The following ATR variants were observed in gnomAD, a reference collection of about 807,000 sequenced individuals.
ATR encodes the protein ATR checkpoint kinase.
A neutral mutation model predicts 305.3 loss-of-function variants in ATR; 142 were observed. That is an observed-to-expected ratio of 0.47 (90% CI 0.41 to 0.53). ATR has a LOEUF of 0.53. Ranked by LOEUF, ATR falls within the 20% of genes least tolerant of loss-of-function variation. The pLI, the probability that ATR is intolerant of heterozygous loss-of-function variation, is 0.00. For synonymous variants in ATR, 1,050 were observed against 1,068.1 expected (o/e 0.98, Z 0.33); for missense variants, 2,135 against 3,133.1 (o/e 0.68, Z 7.60).
At chr3:142,564,141 C>T (rs980617927) in intron 3 of ATR, among the ~76,000 whole-genome samples, 12 of 152,284 alleles carry the variant, frequency 7.9e-5, no homozygotes, top group African/African-American at 1.2e-4. Flanking sequence ...AGGGTACATA[C>T]ATTGTTTTTT....
chr3:142,520,283 G>A (rs1042796569), intron 23 of ATR, among the ~76,000 whole-genome samples: 4 of 151,904 alleles, frequency 2.6e-5, no homozygotes, highest in African/African-American at 7.3e-5. Context: ...ATTGAAATTA[G>A]GCCAATTAAT....
At chr3:142,558,282 G>C (rs1364806458) in intron 8 of ATR, among the ~76,000 whole-genome samples, 1 of 151,966 alleles carries the variant, frequency 6.6e-6, no homozygotes, top group Admixed American at 6.6e-5. Context: ...TAGCACTTTA[G>C]AAGGCTGGGG....
At chr3:142,506,952 C>T (rs2032278305) in intron 28 of ATR, among the ~76,000 whole-genome samples, 4 of 152,246 alleles carry the variant, frequency 2.6e-5, no homozygotes, top group Non-Finnish European at 5.9e-5. Context: ...AGTTATAACA[C>T]CCACTGTGTA....
chr3:142,519,543 G>A (rs1008270243), intron 24 of ATR, 126 bp downstream of exon 24: 41 of 694,224 alleles, frequency 5.9e-5, no homozygotes, highest in Middle Eastern at 4.1e-4. Context: ...CTCGTGATCC[G>A]CCCGCCTCAG....
At chr3:142,571,997 C>T (rs981869309) in intron 1 of ATR, among the ~76,000 whole-genome samples, 70 of 151,944 alleles carry the variant, frequency 4.6e-4, no homozygotes, top group Non-Finnish European at 9.0e-4. Flanking sequence ...AACTCCTGAC[C>T]TCAGGTAATC....
intron 28 of ATR, 44 bp downstream of exon 28, chr3:142,507,887 C>T: frequency 2.7e-6 from 4 of 1,502,262 alleles, no homozygotes; most frequent in Non-Finnish European, 3.7e-6. Flanking sequence ...AAAAGACTGG[C>T]CACATTAATT....
At chr3:142,450,181 T>G (rs2070758154) in intron 46 of ATR, 1 of 434,998 alleles carries the variant, frequency 2.3e-6, no homozygotes, top group Non-Finnish European at 4.4e-6. Flanking sequence ...TGCCATCGAC[T>G]TTTCCGCCAA....
intron 17 of ATR, 110 bp from the exon 18 acceptor site, chr3:142,541,144 C>A: frequency 7.5e-7 from 1 of 1,336,392 alleles, no homozygotes; most frequent in Non-Finnish European, 1.1e-6. Context: ...CATCTATTCT[C>A]AGATAATACA....
intron 29 of ATR, among the ~76,000 whole-genome samples, chr3:142,504,607 C>G (rs982481369): frequency 6.6e-6 from 1 of 151,502 alleles, no homozygotes; most frequent in African/African-American, 2.4e-5. Flanking sequence ...GGATTACAGG[C>G]GCTCGCCACC....
chr3:142,520,694 C>T (rs1477213210), intron 23 of ATR, among the ~76,000 whole-genome samples: 2 of 151,762 alleles, frequency 1.3e-5, no homozygotes, highest in African/African-American at 4.8e-5. Flanking sequence ...TGAAGTGATA[C>T]AACTCAAGGG....
At chr3:142,546,528 C>T (rs1476565798) in intron 16 of ATR, among the ~76,000 whole-genome samples, 2 of 151,794 alleles carry the variant, frequency 1.3e-5, no homozygotes, top group Non-Finnish European at 2.9e-5. Context: ...AAATGTAACT[C>T]ATATTAAAGA....
chr3:142,528,879 ATT>A (rs1170239080), intron 21 of ATR, among the ~76,000 whole-genome samples: 5 of 30,486 alleles, frequency 1.6e-4, no homozygotes, highest in African/African-American at 4.9e-4. Context: ...ATATATATAT[ATT>A]TTTTTTTTTT....
chr3:142,474,280 T>C (rs2071379497), intron 36 of ATR, among the ~76,000 whole-genome samples: 1 of 152,092 alleles, frequency 6.6e-6, no homozygotes, highest in Admixed American at 6.6e-5. Flanking sequence ...AATAAGCTAT[T>C]GGAATTCTGA....
intron 16 of ATR, among the ~76,000 whole-genome samples, chr3:142,547,158 A>G (rs928185047): frequency 6.6e-6 from 1 of 152,200 alleles, no homozygotes; most frequent in Non-Finnish European, 1.5e-5. Context: ...TTTAAGATAG[A>G]TAAACAGTAA....
chr3:142,519,547 G>A (rs1056965461), intron 24 of ATR, 122 bp downstream of exon 24: 44 of 725,160 alleles, frequency 6.1e-5, no homozygotes, highest in Middle Eastern at 7.9e-4. Context: ...TGATCCGCCC[G>A]CCTCAGCCTC....
chr3:142,476,886 G>C (rs905518927), intron 36 of ATR, among the ~76,000 whole-genome samples: 23 of 151,822 alleles, frequency 1.5e-4, no homozygotes, highest in South Asian at 1.0e-3. Flanking sequence ...CATGATTTGG[G>C]TCTCTGTTTG....
At chr3:142,460,933 G>C (rs1417691710) in intron 42 of ATR, among the ~76,000 whole-genome samples, 2 of 152,050 alleles carry the variant, frequency 1.3e-5, no homozygotes, top group Non-Finnish European at 2.9e-5. Flanking sequence ...TATTATTACA[G>C]TATTATTAAC....
At chr3:142,552,515 C>T (rs945745575) in intron 13 of ATR, among the ~76,000 whole-genome samples, 3 of 151,688 alleles carry the variant, frequency 2.0e-5, no homozygotes, top group Non-Finnish European at 4.4e-5. Context: ...ACTAAAAATA[C>T]AAAAATTAGC....
At chr3:142,542,432 C>T (rs890319392) in intron 17 of ATR, among the ~76,000 whole-genome samples, 1 of 152,150 alleles carries the variant, frequency 6.6e-6, no homozygotes, top group Non-Finnish European at 1.5e-5. Flanking sequence ...AGTAACACAG[C>T]CACAAGTTCC....
Sources: gnomAD v4.1 joint callset for allele counts (sites outside exome capture counted in the v4.1 genomes callset) on GRCh38, gnomAD v4.1.1 for gene constraint, MANE v1.5 for transcripts, NCBI Gene and HGNC (gene_info 2026-07-23, HGNC 2026-07-21) for gene names.